PNPLA6: variants seen among roughly 807,000 people sequenced by gnomAD.
The protein encoded by PNPLA6 is patatin like domain 6, lysophospholipase, also known as patatin-like phospholipase domain-containing protein 6.
In PNPLA6, 105 loss-of-function variants were observed where a neutral mutation model predicts 153.7. The ratio of observed to expected loss-of-function variants is 0.68; its 90% confidence interval spans 0.58 to 0.80. The LOEUF is 0.80. PNPLA6 is among the 30% of genes least tolerant of loss of function. PNPLA6 has a pLI of 0.00. For synonymous variants in PNPLA6, 825 were observed against 822.2 expected (o/e 1.00, Z -0.06); for missense variants, 1,423 against 1,919.3 (o/e 0.74, Z 4.83).
intron 28 of PNPLA6, 103 bp from the exon 29 acceptor site, chr19:7,560,545 C>G: frequency 3.6e-6 from 3 of 822,362 alleles, no homozygotes; most frequent in Non-Finnish European, 6.4e-6. Context: ...AAATGCAACT[C>G]CCCCAGAGAA....
Position 7,550,511 on chromosome 19 carries a change from A to C in PNPLA6, c.1947-6A>C, listed in dbSNP as rs752932750. On this transcript the variant is annotated splice_region_variant and splice_polypyrimidine_tract_variant and intron_variant, in intron 15 of 31. Coordinates refer to ENST00000600737, the MANE Select transcript of PNPLA6 (RefSeq NM_001166114.2). ...TCAGACCTTGCTGACCTCCACGCCCACTCAGGCAGGGCGACCGCTCCGACT... is the reference window on the plus strand; with the variant it reads ...TCAGACCTTGCTGACCTCCACGCCCCCTCAGGCAGGGCGACCGCTCCGACT... The C allele has an allele frequency of 5.0e-6, 8 of 1,612,962 alleles. No homozygotes were observed. In the East Asian group the frequency reaches 8.9e-5, roughly 18 times the overall value.
chr19:7,557,346 G>T, intron 27 of PNPLA6, 62 bp downstream of exon 27: 1 of 1,014,696 alleles, frequency 9.9e-7, no homozygotes, highest in East Asian at 2.4e-5. Flanking sequence ...ACACGCACAC[G>T]CGTGGGCACA....
chr19:7,542,767 A>C lies in PNPLA6; in HGVS notation c.1369A>C (p.Thr457Pro). ...ACAAGCCTGCCCCACTCAGACCCCCACTCAGGAGCCTCGTGAGCAGCCGGC... is the reference window on the plus strand; with the variant it reads ...ACAAGCCTGCCCCACTCAGACCCCCCCTCAGGAGCCTCGTGAGCAGCCGGC... ...GSLAAPARTP[T>P]QEPREQPAGA... Residue 457 changes from threonine (T) to proline (P), a missense_variant, in exon 12 of 32, where the codon ACT becomes CCT. This residue lies in a region of PNPLA6 where 267 missense variants were observed against 255.1 expected (regional missense o/e 1.05). Coordinates refer to ENST00000600737, the MANE Select transcript of PNPLA6 (RefSeq NM_001166114.2). 6.2e-7 allele frequency: 1 copy of C among 1,612,896 alleles called. No individual in the cohort carries two copies.
upstream of PNPLA6, chr19:7,535,466 A>C: frequency 7.1e-7 from 1 of 1,409,642 alleles, no homozygotes. The surrounding 1 kb of genome is among the most constrained non-coding windows in gnomAD (Gnocchi z 5.0). Flanking sequence ...GTGGGCCCAG[A>C]TTGACGACTT....
chr19:7,540,958 G>C lies in PNPLA6; in HGVS notation c.831G>C (p.Arg277=), dbSNP rs1289763040. Residue 277 remains arginine, a synonymous_variant, in exon 7 of 32, where the codon CGG becomes CGC. Transcript: ENST00000600737. This position sits in a 1 kb window ranked among gnomAD's most constrained non-coding sequence, Gnocchi z 6.8. ...HQHPQRTVSA[R]AARDSTVLRL... ...ATCCCCAGCGGACCGTGTCTGCCCG[G>C]GCGGCCCGGGACTCCACGGTGCTGC... 1 of 1,612,154 alleles carries C rather than the reference G, an allele frequency of 6.2e-7. No homozygotes were observed. The highest frequency in any genetic ancestry group is 8.5e-7 in the Non-Finnish European group (1 of 1,179,758).
At chr19:7,549,852 A>C in intron 13 of PNPLA6, 55 bp from the exon 14 acceptor site, 1 of 1,550,940 alleles carries the variant, frequency 6.4e-7, no homozygotes, top group East Asian at 2.2e-5. Context: ...TGTTGACCTG[A>C]GCTGGGGTCC....
chr19:7,550,468 G>T, intron 15 of PNPLA6, 39 bp downstream of exon 15: 1 of 1,612,372 alleles, frequency 6.2e-7, no homozygotes, highest in Non-Finnish European at 8.5e-7. Context: ...CGGCCTAGGG[G>T]TGGGGACCTG....
rs574930 is a variant in PNPLA6, at chr19:7,542,555, C to T, written c.1253-6C>T. 506,402 of 1,609,758 alleles carry T rather than the reference C, an allele frequency of 0.31. 84,423 individuals are homozygous for T. Among genetic ancestry groups the T allele is most frequent in the Middle Eastern group, 0.41 (2,497 of 6,050 alleles). ...TGGTTTTTGTTGCCCCCCTGCCTGC[C>T]TGCAGGCTTGCAGGGTGGCCCCCGC... On this transcript the variant is annotated splice_region_variant and splice_polypyrimidine_tract_variant and intron_variant, in intron 10 of 31. Coordinates refer to ENST00000600737, the MANE Select transcript of PNPLA6 (RefSeq NM_001166114.2).
In PNPLA6 at chr19:7,542,055, G is replaced by T; in HGVS notation, c.1240G>T (p.Gly414Trp). 1 of 1,606,300 alleles carries T rather than the reference G, an allele frequency of 6.2e-7. No homozygotes were observed. ...GCTGAGCCGCTGCGTCTCCATGCCAGGGGACATCTCAGGTTTGGAGCACTG... is the reference window on the plus strand; with the variant it reads ...GCTGAGCCGCTGCGTCTCCATGCCATGGGACATCTCAGGTTTGGAGCACTG... Reference protein sequence around the residue: ...PLLSRCVSMPGDISGLQGGPR... With the variant: ...PLLSRCVSMPWDISGLQGGPR... The change falls in exon 10 of 32, where the codon GGG (glycine) becomes TGG (tryptophan). Residue 414 changes from glycine to tryptophan, a missense_variant. By Grantham distance (184) the Gly-to-Trp change is radical. Transcript: ENST00000600737.
intron 13 of PNPLA6, among the ~76,000 whole-genome samples, chr19:7,549,495 T>TTCTTCTTC (rs1454935597): frequency 2.4e-3 from 40 of 16,504 alleles, no homozygotes; most frequent in Admixed American, 9.7e-3. Flanking sequence ...CTTCTTCTTC[T>TTCTTCTTC]TTTTTTTTTT....
chr19:7,549,313 A>C (rs1306286067), intron 13 of PNPLA6, among the ~76,000 whole-genome samples: 2 of 148,874 alleles, frequency 1.3e-5, no homozygotes, highest in African/African-American at 5.0e-5. Context: ...CAGCCTCCCA[A>C]GTAGCTGGGA....
In PNPLA6 at chr19:7,540,108, C is replaced by T; in HGVS notation, c.555-41C>T. On this transcript the variant is annotated intron_variant, in intron 4 of 31. Transcript: ENST00000600737. This position sits in a 1 kb window ranked among gnomAD's most constrained non-coding sequence, Gnocchi z 6.8. ...GTGGAGGGCTGCAGACGTGGGGCCG[C>T]CCTGACCTCCAGCCTCTGTCGCCCA... 2.5e-6 allele frequency: 4 copies of T among 1,613,748 alleles called. No homozygotes were observed. The highest frequency in any genetic ancestry group is 3.4e-6 in the Non-Finnish European group (4 of 1,180,000).
At chr19:7,551,970 G>A (rs989412212) in intron 18 of PNPLA6, among the ~76,000 whole-genome samples, 3 of 152,102 alleles carry the variant, frequency 2.0e-5, no homozygotes. Flanking sequence ...AGCTGGGCTT[G>A]GTGACACATG....
Position 7,540,951 on chromosome 19 carries a change from C to T in PNPLA6, c.824C>T (p.Ser275Phe), listed in dbSNP as rs1275934806. Residue 275 changes from serine to phenylalanine, a missense_variant, in exon 7 of 32, where the codon TCT (serine) becomes TTT (phenylalanine). Physicochemically the swap from Ser to Phe is radical, Grantham distance 155 (BLOSUM62 -2). Around this residue, in one of 10 missense-constraint regions of PNPLA6, gnomAD observed 118 missense variants for 158.8 expected, o/e 0.74. Transcript: ENST00000600737. This position sits in a 1 kb window ranked among gnomAD's most constrained non-coding sequence, Gnocchi z 6.8. Reference protein sequence around the residue: ...TGHQHPQRTVSARAARDSTVL... With the variant: ...TGHQHPQRTVFARAARDSTVL... Reference sequence around the variant, plus strand: ...CACCAGCATCCCCAGCGGACCGTGTCTGCCCGGGCGGCCCGGGACTCCACG... The same window carrying T: ...CACCAGCATCCCCAGCGGACCGTGTTTGCCCGGGCGGCCCGGGACTCCACG... The T allele has an allele frequency of 6.2e-7, 1 of 1,612,534 alleles. No homozygotes were observed. The highest frequency in any genetic ancestry group is 2.2e-5 in the East Asian group (1 of 44,868).
At chr19:7,557,305 C>T (rs1351134137) in intron 27 of PNPLA6, 21 bp downstream of exon 27, 2 of 1,444,606 alleles carry the variant, frequency 1.4e-6, no homozygotes, top group African/African-American at 1.4e-5. Context: ...GCCCGCACCA[C>T]CCGCACACGC....
In PNPLA6 at chr19:7,558,629, C is replaced by T. The variant is rs142459098; in HGVS notation, c.3398-221C>T. Among the ~76,000 whole-genome samples, 236 of 152,284 alleles carry T rather than the reference C, an allele frequency of 1.5e-3. 1 individual carries two copies. The highest frequency in any genetic ancestry group is 5.5e-3 in the African/African-American group (230 of 41,564). On this transcript the variant is annotated intron_variant, in intron 27 of 31. Coordinates refer to ENST00000600737, the MANE Select transcript of PNPLA6 (RefSeq NM_001166114.2). The stretch of plus-strand genomic sequence containing the variant: ...CCTGGGCGACAGAGTGAGACTCTGT[C>T]TCAGAAAATAAAACAAAACCTCCCA...
At chr19:7,543,813 C>CTT (rs59936834) in intron 13 of PNPLA6, among the ~76,000 whole-genome samples, 6 of 142,248 alleles carry the variant, frequency 4.2e-5, no homozygotes, top group Non-Finnish European at 3.1e-5. Flanking sequence ...TCTTTTTTTT[C>CTT]TTTTTTTTTT....
Position 7,542,655 on chromosome 19 carries a change from G to C in PNPLA6, c.1347G>C (p.Leu449=), listed in dbSNP as rs1471661902. The C allele has an allele frequency of 1.7e-5, 28 of 1,613,014 alleles. No individual in the cohort carries two copies. Among genetic ancestry groups the C allele is most frequent in the Non-Finnish European group, 2.3e-5 (27 of 1,179,858 alleles). ...SLQEEASGGS[L]AAPARTPTQE... ...AGGAAGAGGCCTCCGGGGGGTCCCT[G>C]GCAGCCCCCGCTCGGGTAAGGCTTG... The change falls in exon 11 of 32, where the codon CTG becomes CTC. Residue 449 remains leucine (L), a synonymous_variant. Transcript: ENST00000600737.
chr19:7,541,027 G>A lies in PNPLA6; in HGVS notation c.900G>A (p.Pro300=), dbSNP rs757524146. The change falls in exon 7 of 32, where the codon CCG becomes CCA. Residue 300 remains proline, a synonymous_variant. Transcript: ENST00000600737. The surrounding 1 kb of genome is among the most constrained non-coding windows in gnomAD (Gnocchi z 5.2). ...TCTCCGCGGTCTTCACCAAGTACCC[G>A]GAGAGCTTGGTGCGGGTCGTGCAGG... ...EAFSAVFTKY[P]ESLVRVVQII... is the part of the protein sequence containing the mutation. The A allele has an allele frequency of 5.0e-6, 8 of 1,610,356 alleles. No homozygotes were observed. In the East Asian group the frequency reaches 1.8e-4, roughly 36 times the overall value.
Sources: allele counts gnomAD v4.1 joint callset (sites outside exome capture counted in the v4.1 genomes callset), GRCh38; gene constraint gnomAD v4.1.1; regional missense constraint gnomAD v4.1.1; non-coding constraint Gnocchi (gnomAD v3.1); transcripts MANE v1.5; gene names NCBI Gene and HGNC (gene_info 2026-07-23, HGNC 2026-07-21).